Variants in TBC1D5 observed in about 807,000 individuals in gnomAD.
The protein encoded by TBC1D5 is TBC1 domain family member 5.
In TBC1D5, 75 loss-of-function variants were observed where a neutral mutation model predicts 100.3. The ratio of observed to expected loss-of-function variants is 0.75; its 90% CI spans 0.62 to 0.91. The LOEUF (loss-of-function observed/expected upper bound fraction) is 0.91. Among genes scored for constraint, TBC1D5 ranks in the 40% least tolerant of loss-of-function variants. The pLI is 0.00. For missense variants in TBC1D5, 910 were observed against 942.4 expected, an observed-to-expected ratio of 0.97 and a Z score of 0.45; for synonymous variants, 323 against 325.6, an observed-to-expected ratio of 0.99 and a Z score of 0.09.
chr3:17,197,618 C>CGA (rs2070876033), intron 18 of TBC1D5, among the ~76,000 whole-genome samples: 1 of 152,118 alleles, frequency 6.6e-6, no homozygotes, highest in Non-Finnish European at 1.5e-5. Flanking sequence ...GCAATCCTCC[C>CGA]ACCTCAGCCT....
intron 2 of TBC1D5, among the ~76,000 whole-genome samples, chr3:17,549,513 CATTAACA>C (rs1311534006): frequency 4.6e-5 from 7 of 152,020 alleles, no homozygotes; most frequent in African/African-American, 1.7e-4. Flanking sequence ...AAAATGGAGA[CATTAACA>C]ATTAAGAAAA....
At chr3:17,384,303 C>A (rs1230875327) in intron 8 of TBC1D5, among the ~76,000 whole-genome samples, 1 of 152,012 alleles carries the variant, frequency 6.6e-6, no homozygotes, top group African/African-American at 2.4e-5. Context: ...TCATATTCTA[C>A]GTGTCTGCAG....
intron 4 of TBC1D5, among the ~76,000 whole-genome samples, chr3:17,425,463 C>T (rs1363834368): frequency 6.6e-6 from 1 of 152,098 alleles, no homozygotes; most frequent in Non-Finnish European, 1.5e-5. Flanking sequence ...CCCATCTCTA[C>T]AAAAAACACA....
At chr3:17,741,173 A>G (rs2077398983), upstream of TBC1D5, among the ~76,000 whole-genome samples, 1 of 152,268 alleles carries the variant, frequency 6.6e-6, no homozygotes, top group African/African-American at 2.4e-5. Flanking sequence ...AGAAATGTAC[A>G]ATATCAAAAT....
chr3:17,261,742 T>G (rs1467549311), intron 15 of TBC1D5, among the ~76,000 whole-genome samples: 3 of 152,256 alleles, frequency 2.0e-5, no homozygotes, highest in African/African-American at 7.2e-5. Flanking sequence ...AGGCTGGTCT[T>G]GAACTCCTGG....
intron 1 of TBC1D5, among the ~76,000 whole-genome samples, chr3:17,658,155 C>G (rs1196581526): frequency 6.6e-6 from 1 of 152,170 alleles, no homozygotes; most frequent in Non-Finnish European, 1.5e-5. Context: ...TAAGTACATT[C>G]TATGATGTTC....
At chr3:17,587,337 T>C (rs1183631785) in intron 2 of TBC1D5, among the ~76,000 whole-genome samples, 1 of 152,036 alleles carries the variant, frequency 6.6e-6, no homozygotes, top group African/African-American at 2.4e-5. Flanking sequence ...AACAACCTGT[T>C]AAGAGCTTAC....
intron 1 of TBC1D5, among the ~76,000 whole-genome samples, chr3:17,723,373 G>C (rs557972727): frequency 2.0e-5 from 3 of 152,110 alleles, no homozygotes; most frequent in Non-Finnish European, 4.4e-5. Flanking sequence ...ATTATTAATA[G>C]AGCAAGACTT....
At chr3:17,160,156 C>T (rs1330428346) in exon 22 of TBC1D5, 1 of 152,156 alleles carries the variant, frequency 6.6e-6, no homozygotes, top group Non-Finnish European at 1.5e-5. Context: ...AACTGGCTTA[C>T]AGTAATCTTG....
At chr3:17,407,740 A>T (rs1254018127) in intron 4 of TBC1D5, among the ~76,000 whole-genome samples, 7 of 152,152 alleles carry the variant, frequency 4.6e-5, no homozygotes, top group Non-Finnish European at 1.0e-4. Context: ...CAGAACTTCC[A>T]GCTTTAACCC....
At chr3:17,646,778 A>AT (rs925719468) in intron 1 of TBC1D5, among the ~76,000 whole-genome samples, 17 of 151,572 alleles carry the variant, frequency 1.1e-4, no homozygotes, top group Non-Finnish European at 2.1e-4. Context: ...ATAAAGTCTG[A>AT]TTTTTTTTTA....
At chr3:17,708,523 A>G (rs1159722693) in intron 1 of TBC1D5, among the ~76,000 whole-genome samples, 2 of 152,132 alleles carry the variant, frequency 1.3e-5, no homozygotes, top group Admixed American at 1.3e-4. Context: ...TTCTTTTATT[A>G]TGGGGGGGTC....
At chr3:17,604,043 G>C (rs1242879000) in intron 2 of TBC1D5, among the ~76,000 whole-genome samples, 1 of 152,088 alleles carries the variant, frequency 6.6e-6, no homozygotes, top group Non-Finnish European at 1.5e-5. Context: ...ATGGCCTCCT[G>C]GACTGAACCC....
At chr3:17,688,252 T>C (rs1039897550) in intron 1 of TBC1D5, among the ~76,000 whole-genome samples, 1 of 152,110 alleles carries the variant, frequency 6.6e-6, no homozygotes, top group Non-Finnish European at 1.5e-5. Flanking sequence ...CACATACATA[T>C]AGGCCCATCA....
intron 4 of TBC1D5, among the ~76,000 whole-genome samples, chr3:17,415,205 G>A (rs1303940602): frequency 6.6e-6 from 1 of 152,078 alleles, no homozygotes; most frequent in Non-Finnish European, 1.5e-5. Context: ...CGCCCTGGCT[G>A]GAGTGCAGTG....
chr3:17,706,924 G>C (rs993382336), intron 1 of TBC1D5, among the ~76,000 whole-genome samples: 4 of 151,038 alleles, frequency 2.6e-5, no homozygotes, highest in Non-Finnish European at 4.4e-5. Flanking sequence ...CATGTAAAGA[G>C]ATATAGGTTA....
intron 13 of TBC1D5, among the ~76,000 whole-genome samples, chr3:17,320,019 T>C (rs1275887144): frequency 3.3e-5 from 5 of 152,260 alleles, no homozygotes; most frequent in Middle Eastern, 3.2e-3. Flanking sequence ...TAAGTGGATG[T>C]ATAGTAACTT....
chr3:17,671,142 T>A (rs538182756), intron 1 of TBC1D5, among the ~76,000 whole-genome samples: 68 of 152,294 alleles, frequency 4.5e-4, no homozygotes, highest in African/African-American at 1.5e-3. Context: ...TTCAGTCAAA[T>A]AAAACACACA....
chr3:17,166,583 T>C (rs989147548), intron 21 of TBC1D5, among the ~76,000 whole-genome samples, 184 bp downstream of exon 22: 1 of 152,236 alleles, frequency 6.6e-6, no homozygotes, highest in Non-Finnish European at 1.5e-5. Flanking sequence ...CCAGTATCAT[T>C]GTGAATGGCA....
Sources: allele counts gnomAD v4.1 joint callset (sites outside exome capture counted in the v4.1 genomes callset), GRCh38; gene constraint gnomAD v4.1.1; transcripts MANE v1.5; gene names NCBI Gene and HGNC (gene_info 2026-07-23, HGNC 2026-07-21).